SNTG2: variants seen among roughly 807,000 people sequenced by gnomAD.
SNTG2 encodes the protein syntrophin gamma 2.
A neutral mutation model predicts 70.9 loss-of-function variants in SNTG2; 74 were observed. That is an observed-to-expected ratio of 1.04 (90% CI 0.86 to 1.27). The LOEUF (loss-of-function observed/expected upper bound fraction) is 1.27, where lower values mean the gene tolerates loss of function less well. SNTG2 is among the 50% of genes most tolerant of loss of function. The pLI is 0.00. For missense variants in SNTG2, 717 were observed against 690.7 expected, an observed-to-expected ratio of 1.04 and a Z score of -0.43; for synonymous variants, 278 against 273.8, an observed-to-expected ratio of 1.02 and a Z score of -0.15.
intron 4 of SNTG2, among the ~76,000 whole-genome samples, chr2:1,100,834 C>T (rs369969822): frequency 2.0e-5 from 3 of 152,074 alleles, no homozygotes; most frequent in Admixed American, 6.6e-5. Context: ...CAGTAGGTAA[C>T]GTTCAGTAAA....
At chr2:1,259,260 T>C (rs1255437773) in intron 12 of SNTG2, 110 bp from the exon 13 acceptor site, 1 of 884,890 alleles carries the variant, frequency 1.1e-6, no homozygotes, top group African/African-American at 1.7e-5. Context: ...TAATGGGGCT[T>C]AGGATTTAAT....
rs72764922 is a variant in SNTG2, at chr2:1,011,764, A to G, written c.72+60696A>G. ...TGAAGTATCATTTTCATTGGACTTT[A>G]ATCAATTACTGAAGAGATAAATGCT... On this transcript the variant is annotated intron_variant, in intron 1 of 16. Coordinates refer to ENST00000308624, the MANE Select transcript of SNTG2 (RefSeq NM_018968.4). 3.9e-3 allele frequency among the ~76,000 whole-genome samples: 496 copies of G among 125,888 alleles called. 3 individuals carry two copies. Among genetic ancestry groups the G allele is most frequent in the Non-Finnish European group, 7.5e-3 (393 of 52,114 alleles). The allele number at this position is 125,888 out of a possible 152,430, so 82.6% of individuals were successfully genotyped here.
chr2:1,004,245 A>G (rs1043830920), intron 1 of SNTG2, among the ~76,000 whole-genome samples: 5 of 152,214 alleles, frequency 3.3e-5, no homozygotes, highest in Non-Finnish European at 5.9e-5. Context: ...ACAAGATAAC[A>G]CAGGAAAAGC....
At chr2:1,324,402 A>G (rs1681677725) in intron 16 of SNTG2, among the ~76,000 whole-genome samples, 1 of 152,234 alleles carries the variant, frequency 6.6e-6, no homozygotes, top group African/African-American at 2.4e-5. Flanking sequence ...TGAAGAGTAG[A>G]AATATAGTGC....
intron 2 of SNTG2, among the ~76,000 whole-genome samples, chr2:1,093,646 G>C (rs1474256194): frequency 6.6e-6 from 1 of 152,240 alleles, no homozygotes; most frequent in African/African-American, 2.4e-5. Context: ...TGAAGTCCTG[G>C]TGTTTGAATG....
intron 4 of SNTG2, among the ~76,000 whole-genome samples, chr2:1,115,249 G>A (rs191948500): frequency 1.4e-5 from 2 of 138,704 alleles, no homozygotes; most frequent in East Asian, 2.4e-4. Context: ...GGAGAATTTC[G>A]TGTACTGAGG....
At chr2:974,834 C>T (rs1157480140) in intron 1 of SNTG2, among the ~76,000 whole-genome samples, 1 of 152,160 alleles carries the variant, frequency 6.6e-6, no homozygotes, top group African/African-American at 2.4e-5. Flanking sequence ...CTTTTACACT[C>T]TCTGACATTC....
chr2:1,222,136 TCTCTCTCTGTCTCTGC>T (rs1675245116), intron 9 of SNTG2, among the ~76,000 whole-genome samples: 2 of 114,640 alleles, frequency 1.7e-5, no homozygotes, highest in Non-Finnish European at 4.1e-5. Flanking sequence ...TCTCTCTCTG[TCTCTCTCTGTCTCTGC>T]CTATCTCTGT....
chr2:1,309,938 C>T (rs1680898164), intron 15 of SNTG2, among the ~76,000 whole-genome samples: 1 of 152,160 alleles, frequency 6.6e-6, no homozygotes, highest in African/African-American at 2.4e-5. Flanking sequence ...AGGTGACTTG[C>T]TCTTAATATT....
intron 16 of SNTG2, among the ~76,000 whole-genome samples, chr2:1,342,325 A>C (rs1275962181): frequency 2.6e-5 from 3 of 113,572 alleles, no homozygotes; most frequent in African/African-American, 7.6e-5. Flanking sequence ...TTAATTTGGG[A>C]AGCAGGACAT....
At chr2:1,109,540 G>T (rs764836453) in intron 4 of SNTG2, among the ~76,000 whole-genome samples, 58 of 152,134 alleles carry the variant, frequency 3.8e-4, no homozygotes, top group Non-Finnish European at 7.8e-4. Flanking sequence ...TCATAGGGCA[G>T]CAGATAAACA....
At chr2:1,179,425 G>C (rs1314159539) in intron 8 of SNTG2, among the ~76,000 whole-genome samples, 1 of 152,072 alleles carries the variant, frequency 6.6e-6, no homozygotes, top group Non-Finnish European at 1.5e-5. Flanking sequence ...ACCAATAACA[G>C]ACAAACAGGG....
intron 14 of SNTG2, among the ~76,000 whole-genome samples, chr2:1,296,005 G>A (rs530885368): frequency 4.4e-4 from 66 of 151,654 alleles, no homozygotes; most frequent in Non-Finnish European, 6.8e-4. Context: ...CCAGGCAGAC[G>A]TCACCATCGA....
intron 6 of SNTG2, among the ~76,000 whole-genome samples, chr2:1,149,217 GACAC>G (rs142450306): frequency 1.3e-5 from 2 of 148,930 alleles, no homozygotes; most frequent in African/African-American, 5.0e-5. Context: ...GTGAGAGAGA[GACAC>G]ACACACACGG....
chr2:1,180,279 C>T (rs1293444115), intron 8 of SNTG2, among the ~76,000 whole-genome samples: 5 of 135,286 alleles, frequency 3.7e-5, no homozygotes, highest in African/African-American at 1.1e-4. Flanking sequence ...AGTGAACAGG[C>T]AACCTACAGA....
intron 16 of SNTG2, among the ~76,000 whole-genome samples, chr2:1,333,502 AACAAATTTGGAGGTATC>A (rs1477358536): frequency 1.3e-5 from 2 of 152,192 alleles, no homozygotes; most frequent in Non-Finnish European, 2.9e-5. Context: ...CTAAGAAAAA[AACAAATTTGGAGGTATC>A]ACATTACCCA....
chr2:1,296,807 T>C (rs1680239450), intron 14 of SNTG2, among the ~76,000 whole-genome samples: 1 of 152,190 alleles, frequency 6.6e-6, no homozygotes. Context: ...CTTTGAAGAG[T>C]TCTGATATTA....
At chr2:1,124,653 G>A (rs1268130356) in intron 4 of SNTG2, among the ~76,000 whole-genome samples, 1 of 152,172 alleles carries the variant, frequency 6.6e-6, no homozygotes, top group Non-Finnish European at 1.5e-5. Context: ...GTTGAACCTG[G>A]AGGACGCTAT....
intron 1 of SNTG2, among the ~76,000 whole-genome samples, chr2:1,009,641 G>T (rs1332362588): frequency 1.0e-5 from 1 of 97,244 alleles, no homozygotes; most frequent in African/African-American, 4.4e-5. Context: ...TCGTGTGTAT[G>T]GCAGCCACAC....
Sources: allele counts gnomAD v4.1 joint callset (sites outside exome capture counted in the v4.1 genomes callset), GRCh38; gene constraint gnomAD v4.1.1; transcripts MANE v1.5; gene names NCBI Gene and HGNC (gene_info 2026-07-23, HGNC 2026-07-21).